The following RBMS3 variants were observed in gnomAD, a reference collection of about 807,000 sequenced individuals.
RBMS3 encodes RNA binding motif single stranded interacting protein 3, also known as RNA-binding motif, single-stranded-interacting protein 3.
In RBMS3, 27 loss-of-function variants were observed where a neutral mutation model predicts 66.8. The ratio of observed to expected loss-of-function variants is 0.40; its 90% CI spans 0.30 to 0.56. The LOEUF is 0.56. Among genes scored for constraint, RBMS3 ranks in the 20% least tolerant of loss-of-function variants. RBMS3 has a pLI of 0.40. For synonymous variants in RBMS3, 188 were observed against 183.0 expected, an observed-to-expected ratio of 1.03 and a Z score of -0.22; for missense variants, 513 against 549.5, an observed-to-expected ratio of 0.93 and a Z score of 0.66.
At chr3:29,288,809 A>G (rs1422507373) in intron 1 of RBMS3, among the ~76,000 whole-genome samples, 3 of 152,008 alleles carry the variant, frequency 2.0e-5, no homozygotes, top group Non-Finnish European at 4.4e-5. Context: ...ATAGTAGCCT[A>G]GAAAACGTGG....
intron 13 of RBMS3, among the ~76,000 whole-genome samples, chr3:29,989,644 C>T (rs182129184): frequency 6.6e-6 from 1 of 152,258 alleles, no homozygotes; most frequent in East Asian, 1.9e-4. Flanking sequence ...TTAGGAAATC[C>T]AGATGTTTAA....
At chr3:29,288,870 A>G (rs1411284214) in intron 1 of RBMS3, among the ~76,000 whole-genome samples, 1 of 151,960 alleles carries the variant, frequency 6.6e-6, no homozygotes, top group African/African-American at 2.4e-5. Flanking sequence ...GTAGGAGGGA[A>G]ATAACTCCCC....
chr3:29,827,538 CA>C (rs1267636011), intron 6 of RBMS3, among the ~76,000 whole-genome samples: 1 of 152,034 alleles, frequency 6.6e-6, no homozygotes, highest in African/African-American at 2.4e-5. Context: ...GAAGATTAAC[CA>C]GTTATTCATA....
intron 1 of RBMS3, among the ~76,000 whole-genome samples, chr3:29,350,607 C>G (rs1416415957): frequency 6.6e-6 from 1 of 152,068 alleles, no homozygotes; most frequent in East Asian, 1.9e-4. Flanking sequence ...CTCCCTCTCT[C>G]CTGGGACAAA....
intron 6 of RBMS3, among the ~76,000 whole-genome samples, chr3:29,851,679 C>T (rs1356935791): frequency 6.6e-6 from 1 of 152,112 alleles, no homozygotes; most frequent in South Asian, 2.1e-4. Context: ...TTGCAATTTA[C>T]TTTCTATTTT....
Position 29,681,593 on chromosome 3 carries a change from G to A in RBMS3, c.400-58127G>A, listed in dbSNP as rs547259254. Among the ~76,000 whole-genome samples the A allele has an allele frequency of 6.6e-5, 10 of 151,174 alleles. 1 individual carries two copies. Among genetic ancestry groups the A allele is most frequent in the African/African-American group, 2.4e-4 (10 of 41,006 alleles). On this transcript the variant is annotated intron_variant, in intron 4 of 14. Transcript: ENST00000383767. ...TCATTCAGCTCCCACTTGTAAGTGA[G>A]AACACACAGTGTTTGGTTTTCTGTT...
chr3:29,845,767 A>C (rs1357279112), intron 6 of RBMS3, among the ~76,000 whole-genome samples: 1 of 152,210 alleles, frequency 6.6e-6, no homozygotes, highest in Non-Finnish European at 1.5e-5. Context: ...AGGTTCGAAT[A>C]ATTCCTATGA....
intron 6 of RBMS3, among the ~76,000 whole-genome samples, chr3:29,868,560 T>C (rs1250882394): frequency 2.6e-5 from 4 of 152,188 alleles, no homozygotes; most frequent in Non-Finnish European, 5.9e-5. Flanking sequence ...GTTTCTGACA[T>C]TACTGGAAGG....
rs967167681 is a variant in RBMS3 at position 29,488,620 on chromosome 3, C to G, written c.307+121C>G. 12 of 707,808 alleles carry G rather than the reference C, an allele frequency of 1.7e-5. No individual in the cohort carries two copies. In the African/African-American group the frequency reaches 2.2e-4, roughly 13 times the overall value. 43.8% of individuals were successfully genotyped at this position (707,808 alleles called of 1,614,324 possible). A position where few individuals can be genotyped will look rare whatever the true frequency, so the allele number is the denominator to read the frequency against. ...TCACAATGCATAGTATGGAAAACCT[C>G]TTTAATGATGCCAATGTTTTGATAA... On this transcript the variant is annotated intron_variant, in intron 3 of 14. Coordinates refer to ENST00000383767, the MANE Select transcript of RBMS3 (RefSeq NM_001003793.3).
intron 12 of RBMS3, 194 bp from the exon 13 acceptor site, chr3:29,987,949 T>A: frequency 1.9e-6 from 1 of 528,212 alleles, no homozygotes; most frequent in South Asian, 2.4e-5. Flanking sequence ...GTAGGGCTAC[T>A]GTGGGTACTT....
chr3:29,703,962 A>G (rs1027018325), intron 4 of RBMS3, among the ~76,000 whole-genome samples: 11 of 152,050 alleles, frequency 7.2e-5, no homozygotes, highest in Non-Finnish European at 1.5e-4. Flanking sequence ...AGGAGCATGA[A>G]CCCTGTTGTG....
At chr3:29,704,137 A>G (rs2052763015) in intron 4 of RBMS3, among the ~76,000 whole-genome samples, 1 of 152,188 alleles carries the variant, frequency 6.6e-6, no homozygotes, top group Admixed American at 6.5e-5. Flanking sequence ...TAATTATTTT[A>G]TTATATATTA....
chr3:29,780,349 G>A (rs1173781132), intron 6 of RBMS3, among the ~76,000 whole-genome samples: 2 of 151,120 alleles, frequency 1.3e-5, no homozygotes, highest in South Asian at 2.1e-4. Flanking sequence ...TGAATCTTAT[G>A]GTTTGACTAC....
intron 2 of RBMS3, among the ~76,000 whole-genome samples, chr3:29,438,862 A>G (rs1273844119): frequency 6.6e-6 from 1 of 152,224 alleles, no homozygotes; most frequent in Admixed American, 6.5e-5. Flanking sequence ...AATTAAATAT[A>G]TGATCTGATA....
chr3:29,447,490 G>C (rs1362882152), intron 2 of RBMS3, among the ~76,000 whole-genome samples: 1 of 152,240 alleles, frequency 6.6e-6, no homozygotes, highest in African/African-American at 2.4e-5. Flanking sequence ...ATTTTTAGCT[G>C]TGTCTCTTTA....
At chr3:29,606,002 A>G (rs1576346127) in intron 4 of RBMS3, among the ~76,000 whole-genome samples, 1 of 148,470 alleles carries the variant, frequency 6.7e-6, no homozygotes, top group Admixed American at 6.8e-5. Context: ...TTGGAAGTGT[A>G]TATATATCTT....
intron 3 of RBMS3, among the ~76,000 whole-genome samples, chr3:29,492,972 A>G (rs1287210760): frequency 2.6e-5 from 4 of 152,222 alleles, no homozygotes; most frequent in African/African-American, 4.8e-5. Flanking sequence ...GGAAACAGCA[A>G]TAAAGAGCAT....
At chr3:29,594,349 ATTG>A (rs1208496756) in intron 4 of RBMS3, among the ~76,000 whole-genome samples, 1 of 151,918 alleles carries the variant, frequency 6.6e-6, no homozygotes, top group Non-Finnish European at 1.5e-5. Flanking sequence ...GTGTTGTTCT[ATTG>A]TTGTACCAGT....
intron 2 of RBMS3, among the ~76,000 whole-genome samples, chr3:29,462,445 G>A (rs1019554759): frequency 1.3e-5 from 2 of 152,104 alleles, no homozygotes; most frequent in African/African-American, 4.8e-5. Context: ...ATTTACTTCT[G>A]TTGTCCATGT....
Sources: gnomAD v4.1 joint callset for allele counts (sites outside exome capture counted in the v4.1 genomes callset) on GRCh38, gnomAD v4.1.1 for gene constraint, MANE v1.5 for transcripts, NCBI Gene and HGNC (gene_info 2026-07-23, HGNC 2026-07-21) for gene names.